CLSTN2: variants seen among roughly 807,000 people sequenced by gnomAD.
CLSTN2 encodes the protein calsyntenin 2.
Under a neutral mutation model 101.2 loss-of-function variants are expected in CLSTN2, and 48 were observed. The ratio of observed to expected loss-of-function variants is 0.47; its 90% CI spans 0.38 to 0.60. The LOEUF is 0.60. Ranked by LOEUF, CLSTN2 falls within the 20% of genes least tolerant of loss-of-function variation. The pLI, the probability that CLSTN2 is intolerant of heterozygous loss-of-function variation, is 0.00. For synonymous variants in CLSTN2, 481 were observed against 463.6 expected, an observed-to-expected ratio of 1.04 and a Z score of -0.48; for missense variants, 1,160 against 1,238.2, an observed-to-expected ratio of 0.94 and a Z score of 0.95.
intron 4 of CLSTN2, among the ~76,000 whole-genome samples, chr3:140,420,672 G>C (rs72983108): frequency 0.032 from 4,901 of 152,318 alleles, 228 homozygotes; most frequent in African/African-American, 0.11. Context: ...AGATGAGGCA[G>C]TGAACATTCC....
rs1031430138 is a variant in CLSTN2, at chr3:140,569,587, C to A, written c.*3334C>A. The A allele has an allele frequency of 6.6e-5, 10 of 152,244 alleles. No individual in the cohort carries two copies. Among genetic ancestry groups the A allele is most frequent in the Admixed American group, 2.6e-4 (4 of 15,292 alleles). The allele number at this position is 152,244 out of a possible 1,614,324, so 9.4% of individuals were successfully genotyped here. On this transcript the variant is annotated 3_prime_UTR_variant, in exon 17 of 17. Transcript: ENST00000458420. ...AAACATATATCATCATACATTTGAT[C>A]AAATGCTGTAAGCACAGCCAAGGCC... is the stretch of plus-strand genomic sequence containing the variant.
chr3:140,438,666 A>T (rs2088713079), intron 5 of CLSTN2, among the ~76,000 whole-genome samples: 1 of 152,162 alleles, frequency 6.6e-6, no homozygotes. Context: ...TTGTCAAGAG[A>T]TTAAAAAAAA....
intron 1 of CLSTN2, among the ~76,000 whole-genome samples, chr3:140,131,439 A>C (rs1423698111): frequency 6.6e-6 from 1 of 151,982 alleles, no homozygotes. Context: ...TGTGTTGAAC[A>C]TTTGCAATCT....
At chr3:140,521,178 G>T (rs1391821364) in intron 8 of CLSTN2, among the ~76,000 whole-genome samples, 2 of 149,660 alleles carry the variant, frequency 1.3e-5, no homozygotes, top group East Asian at 4.0e-4. Flanking sequence ...GCCCTTGCTG[G>T]AGAGGTGTTG....
rs1358804104 is a variant in CLSTN2 at position 139,967,278 on chromosome 3, CT to C, written c.109+31797del. ...GAGGCCTCCTGCCATCCTCTGCTTT[CT>C]TCTATGACTGGTCAAACAGCAGTCT... is the stretch of plus-strand genomic sequence containing the variant. On this transcript the variant is annotated intron_variant, in intron 1 of 16. Coordinates refer to ENST00000458420, the MANE Select transcript of CLSTN2 (RefSeq NM_022131.3). 2.0e-5 allele frequency among the ~76,000 whole-genome samples: 3 copies of C among 152,188 alleles called. No individual in the cohort carries two copies. The East Asian group carries it at 5.8e-4, about 29-fold the overall frequency.
At chr3:140,365,573 G>T (rs937540471) in intron 2 of CLSTN2, among the ~76,000 whole-genome samples, 1 of 152,114 alleles carries the variant, frequency 6.6e-6, no homozygotes, top group East Asian at 1.9e-4. Flanking sequence ...GGACAGCAAG[G>T]CTATTGTGAT....
intron 2 of CLSTN2, among the ~76,000 whole-genome samples, chr3:140,200,096 T>C (rs2010699116): frequency 6.6e-6 from 1 of 152,112 alleles, no homozygotes; most frequent in Non-Finnish European, 1.5e-5. Flanking sequence ...GTATTCTACG[T>C]CTCCCCTTAT....
chr3:140,325,107 A>AGGCT (rs1210942276), intron 2 of CLSTN2, among the ~76,000 whole-genome samples: 4 of 152,308 alleles, frequency 2.6e-5, no homozygotes, highest in African/African-American at 7.2e-5. Flanking sequence ...TATATTACTC[A>AGGCT]GGCTGGCCTT....
At position 140,135,117 on chromosome 3, in the gene CLSTN2, CATATATATAT is replaced by C. The variant is rs66931848; in HGVS notation, c.110-40798_110-40789del. The stretch of plus-strand genomic sequence containing the variant: ...ACACACACACACACACACACACACA[CATATATATAT>C]ATATATATATATATATATATATATA... On this transcript the variant is annotated intron_variant, in intron 1 of 16. Transcript: ENST00000458420. 9.7e-3 allele frequency among the ~76,000 whole-genome samples: 564 copies of C among 58,066 alleles called. 6 individuals carry two copies. The highest frequency in any genetic ancestry group is 0.025 in the Middle Eastern group (2 of 80). The allele number at this position is 58,066 out of a possible 152,430, so 38.1% of individuals were successfully genotyped here. A position where few individuals can be genotyped will look rare whatever the true frequency, so the allele number is the denominator to read the frequency against.
chr3:140,142,974 A>G (rs1168053822), intron 1 of CLSTN2, among the ~76,000 whole-genome samples: 1 of 152,166 alleles, frequency 6.6e-6, no homozygotes, highest in Non-Finnish European at 1.5e-5. Context: ...CACCTCTACT[A>G]CTTACTAACA....
At chr3:140,257,791 C>G (rs2086616991) in intron 2 of CLSTN2, among the ~76,000 whole-genome samples, 2 of 152,052 alleles carry the variant, frequency 1.3e-5, no homozygotes, top group South Asian at 4.1e-4. Context: ...CTGATATAAA[C>G]ATAAATATTA....
chr3:140,183,625 CTG>C (rs1249853950), intron 2 of CLSTN2, among the ~76,000 whole-genome samples: 1 of 152,174 alleles, frequency 6.6e-6, no homozygotes, highest in Non-Finnish European at 1.5e-5. Context: ...TAGATGGACA[CTG>C]TCTCACTCCA....
At chr3:139,978,069 G>T (rs1935850766) in intron 1 of CLSTN2, among the ~76,000 whole-genome samples, 1 of 152,146 alleles carries the variant, frequency 6.6e-6, no homozygotes, top group Non-Finnish European at 1.5e-5. Flanking sequence ...AAGCACCAGA[G>T]AAAGGGCTTG....
intron 2 of CLSTN2, among the ~76,000 whole-genome samples, chr3:140,249,122 T>C (rs550176597): frequency 6.6e-6 from 1 of 152,238 alleles, no homozygotes; most frequent in Admixed American, 6.5e-5. Flanking sequence ...ACTGGAGCCA[T>C]GGAGAGTCTG....
intron 2 of CLSTN2, among the ~76,000 whole-genome samples, chr3:140,200,742 G>T (rs775270914): frequency 1.6e-4 from 25 of 152,082 alleles, no homozygotes; most frequent in Non-Finnish European, 2.8e-4. Flanking sequence ...CTCAATGATC[G>T]AATTGAATTT....
Position 140,403,864 on chromosome 3 carries a change from C to T in CLSTN2, c.428+40C>T, listed in dbSNP as rs199793058. 3.4e-6 allele frequency: 5 copies of T among 1,485,760 alleles called. No homozygotes were observed. The Admixed American group carries it at 7.2e-5, about 21-fold the overall frequency. The allele number at this position is 1,485,760 out of a possible 1,614,324, so 92.0% of individuals were successfully genotyped here. ...AGAGCCCTCTGGACGCCCCTCCCTC[C>T]CGTGCCCACCCCACTTCATTCACAT... On this transcript the variant is annotated intron_variant, in intron 3 of 16. Transcript: ENST00000458420.
chr3:140,337,687 G>C (rs1263051299), intron 2 of CLSTN2, among the ~76,000 whole-genome samples: 5 of 152,134 alleles, frequency 3.3e-5, no homozygotes. Context: ...TCATGGGGCT[G>C]GCCTTGCCTT....
intron 1 of CLSTN2, among the ~76,000 whole-genome samples, chr3:140,078,820 G>T (rs1453874120): frequency 6.6e-6 from 1 of 152,166 alleles, no homozygotes; most frequent in East Asian, 1.9e-4. Context: ...TTAAGTTTAT[G>T]AGTTAGTGAA....
chr3:140,178,828 T>C (rs1399473877), intron 2 of CLSTN2, among the ~76,000 whole-genome samples: 1 of 152,240 alleles, frequency 6.6e-6, no homozygotes, highest in Non-Finnish European at 1.5e-5. Context: ...AAGCTTTTAG[T>C]CCTCGCTTAT....
Sources: allele counts gnomAD v4.1 joint callset (sites outside exome capture counted in the v4.1 genomes callset), GRCh38; gene constraint gnomAD v4.1.1; transcripts MANE v1.5; gene names NCBI Gene and HGNC (gene_info 2026-07-23, HGNC 2026-07-21).